MDGA2: variants seen among roughly 807,000 people sequenced by gnomAD.
MDGA2 encodes the protein MAM domain containing glycosylphosphatidylinositol anchor 2.
MDGA2 carries 40 observed loss-of-function variants against 117.8 expected under a neutral mutation model. That is an observed-to-expected ratio of 0.34 (90% CI 0.26 to 0.44). The LOEUF (loss-of-function observed/expected upper bound fraction) is 0.44. MDGA2 is among the 20% of genes least tolerant of loss of function. The pLI, the probability that MDGA2 is intolerant of heterozygous loss-of-function variation, is 1.00. For missense variants in MDGA2, 1,123 were observed against 1,250.6 expected, an observed-to-expected ratio of 0.90 and a Z score of 1.54; for synonymous variants, 452 against 439.0, an observed-to-expected ratio of 1.03 and a Z score of -0.37.
intron 1 of MDGA2, among the ~76,000 whole-genome samples, chr14:47,429,684 A>G (rs960832995): frequency 1.3e-5 from 2 of 152,068 alleles, no homozygotes; most frequent in Non-Finnish European, 2.9e-5. Flanking sequence ...GATGTGATGT[A>G]TATTTATTCA....
chr14:47,016,689 CCAAA>C (rs1467045801), intron 8 of MDGA2, among the ~76,000 whole-genome samples: 2 of 151,900 alleles, frequency 1.3e-5, no homozygotes, highest in Non-Finnish European at 1.5e-5. Flanking sequence ...AAATGTTTTA[CCAAA>C]CAAATTCATA....
chr14:47,244,544 T>A (rs1422464153), intron 2 of MDGA2, among the ~76,000 whole-genome samples: 1 of 151,900 alleles, frequency 6.6e-6, no homozygotes, highest in Non-Finnish European at 1.5e-5. Flanking sequence ...TAAATATAAT[T>A]GTCTTAATTC....
chr14:47,654,561 T>C (rs188191358), intron 1 of MDGA2, among the ~76,000 whole-genome samples: 2 of 152,188 alleles, frequency 1.3e-5, no homozygotes, highest in East Asian at 1.9e-4. Flanking sequence ...GTAGAATCAG[T>C]AGAATAACTT....
intron 1 of MDGA2, among the ~76,000 whole-genome samples, chr14:47,511,264 A>G (rs1006751176): frequency 6.6e-6 from 1 of 152,186 alleles, no homozygotes; most frequent in Non-Finnish European, 1.5e-5. Context: ...GTGGAAATGA[A>G]ATTGAATTTT....
At chr14:46,881,231 T>G (rs1882446956) in intron 11 of MDGA2, among the ~76,000 whole-genome samples, 1 of 152,164 alleles carries the variant, frequency 6.6e-6, no homozygotes, top group Admixed American at 6.6e-5. Context: ...AGAAATCTTA[T>G]GTATTTCTAA....
intron 11 of MDGA2, among the ~76,000 whole-genome samples, chr14:46,881,379 G>A (rs1882452871): frequency 6.6e-6 from 1 of 152,144 alleles, no homozygotes; most frequent in African/African-American, 2.4e-5. Flanking sequence ...AATGGGTAGA[G>A]CATGGGAACT....
At chr14:47,076,949 A>G (rs1890518611) in intron 6 of MDGA2, among the ~76,000 whole-genome samples, 1 of 151,956 alleles carries the variant, frequency 6.6e-6, no homozygotes, top group Non-Finnish European at 1.5e-5. Flanking sequence ...ATTTCTACTC[A>G]CCCATTTTTT....
chr14:47,056,519 C>G (rs1195224063), intron 7 of MDGA2, among the ~76,000 whole-genome samples: 1 of 152,130 alleles, frequency 6.6e-6, no homozygotes, highest in East Asian at 1.9e-4. Flanking sequence ...TCATCAAAAT[C>G]TGTATTGAGT....
chr14:47,333,987 T>C (rs757971987), intron 1 of MDGA2, among the ~76,000 whole-genome samples: 6 of 151,810 alleles, frequency 4.0e-5, no homozygotes, highest in Non-Finnish European at 7.4e-5. Flanking sequence ...AATGTTGGCA[T>C]TCAGAATTTG....
chr14:47,632,384 C>CCTTACTTT (rs1897258370), intron 1 of MDGA2, among the ~76,000 whole-genome samples: 1 of 152,140 alleles, frequency 6.6e-6, no homozygotes, highest in Admixed American at 6.6e-5. Context: ...TTGATATCAT[C>CCTTACTTT]CTTACTTTCC....
intron 1 of MDGA2, among the ~76,000 whole-genome samples, chr14:47,390,356 A>T (rs1364300119): frequency 2.0e-5 from 3 of 149,888 alleles, no homozygotes; most frequent in Non-Finnish European, 3.0e-5. Flanking sequence ...ATCAGGGAAG[A>T]TAGTGTCTCT....
chr14:47,566,308 T>C (rs1895918456), intron 1 of MDGA2, among the ~76,000 whole-genome samples: 1 of 152,136 alleles, frequency 6.6e-6, no homozygotes, highest in African/African-American at 2.4e-5. Flanking sequence ...TCCAAGGCTG[T>C]ACAGCAAGCA....
intron 1 of MDGA2, among the ~76,000 whole-genome samples, chr14:47,304,765 T>G (rs1370780420): frequency 6.6e-6 from 1 of 152,120 alleles, no homozygotes; most frequent in Non-Finnish European, 1.5e-5. Context: ...TCCTCATGCT[T>G]ACCATCCAAC....
intron 6 of MDGA2, among the ~76,000 whole-genome samples, chr14:47,064,861 T>C (rs1396897174): frequency 1.3e-5 from 2 of 152,150 alleles, no homozygotes; most frequent in East Asian, 1.9e-4. Context: ...CATTTCCTGC[T>C]ACCAGTTAAG....
At chr14:47,394,079 C>A (rs1303236558) in intron 1 of MDGA2, among the ~76,000 whole-genome samples, 1 of 151,992 alleles carries the variant, frequency 6.6e-6, no homozygotes, top group African/African-American at 2.4e-5. Context: ...AATGAAAATG[C>A]CAGTTCATCA....
intron 3 of MDGA2, among the ~76,000 whole-genome samples, chr14:47,202,421 T>A (rs1031915664): frequency 1.3e-5 from 2 of 152,192 alleles, no homozygotes; most frequent in African/African-American, 4.8e-5. Context: ...ATTAACTTCC[T>A]GATTTTTTTT....
At chr14:47,669,115 A>G (rs1275341459) in intron 1 of MDGA2, among the ~76,000 whole-genome samples, 1 of 152,234 alleles carries the variant, frequency 6.6e-6, no homozygotes, top group Non-Finnish European at 1.5e-5. Flanking sequence ...CATTAAAATA[A>G]TAAGTTTTAA....
chr14:47,274,712 A>C (rs896986229), intron 2 of MDGA2, among the ~76,000 whole-genome samples: 1 of 152,086 alleles, frequency 6.6e-6, no homozygotes, highest in African/African-American at 2.4e-5. Flanking sequence ...AAGGATACCA[A>C]TTCCCCAGCA....
intron 3 of MDGA2, among the ~76,000 whole-genome samples, chr14:47,181,209 T>C (rs1489838768): frequency 2.0e-5 from 3 of 152,126 alleles, no homozygotes; most frequent in African/African-American, 7.2e-5. Context: ...CATTAGGTGT[T>C]TGTCCTATTG....
Sources: gnomAD v4.1 joint callset for allele counts (sites outside exome capture counted in the v4.1 genomes callset) on GRCh38, gnomAD v4.1.1 for gene constraint, MANE v1.5 for transcripts, NCBI Gene and HGNC (gene_info 2026-07-23, HGNC 2026-07-21) for gene names.